Variants in IFI30 observed in about 807,000 individuals in gnomAD.
IFI30 encodes IFI30 lysosomal thiol reductase.
A neutral mutation model predicts 30.1 loss-of-function variants in IFI30; 26 were observed. That is an observed-to-expected ratio of 0.87 (90% CI 0.63 to 1.20). The LOEUF (loss-of-function observed/expected upper bound fraction) is 1.20, where lower values mean the gene tolerates loss of function less well. IFI30 is among the 50% of genes most tolerant of loss of function. The pLI, the probability that IFI30 is intolerant of heterozygous loss-of-function variation, is 0.00. For missense variants in IFI30, 296 were observed against 312.5 expected (o/e 0.95, Z 0.40); for synonymous variants, 149 against 134.5 (o/e 1.11, Z -0.75).
chr19:18,177,127 C>G lies in IFI30; in HGVS notation c.484-13C>G, dbSNP rs1304209819. 1 of 1,535,736 alleles carries G rather than the reference C, an allele frequency of 6.5e-7. No homozygotes were observed. Among genetic ancestry groups the G allele is most frequent in the African/African-American group, 1.4e-5 (1 of 72,982 alleles). On this transcript the variant is annotated splice_polypyrimidine_tract_variant and intron_variant, in intron 4 of 6. Transcript: ENST00000407280. ...AGGAAGCTGAGGCAACCCCCTGCTC[C>G]CCACCCACCCAGTGCCTGCAGCTCT...
intron 4 of IFI30, 44 bp from the exon 5 acceptor site, chr19:18,177,096 A>T: frequency 6.7e-7 from 1 of 1,498,790 alleles, no homozygotes; most frequent in Non-Finnish European, 9.0e-7. Flanking sequence ...CGTTGAGATA[A>T]CGGGGAGGAA....
At chr19:18,176,066 C>A (rs1398943586) in intron 4 of IFI30, among the ~76,000 whole-genome samples, 2 of 149,708 alleles carry the variant, frequency 1.3e-5, no homozygotes, top group African/African-American at 4.9e-5. Context: ...TTGTCTTGAA[C>A]TCCTGACCTT....
In IFI30 at chr19:18,177,208, C is replaced by G. The variant is rs747730129; in HGVS notation, c.552C>G (p.Gly184=). The change falls in exon 5 of 7, where the codon GGC becomes GGG. Residue 184 remains glycine, a synonymous_variant. Transcript: ENST00000407280. ...TIMECAMGDR[G]MQLMHANAQR... Reference sequence around the variant, plus strand: ...TGGAGTGTGCAATGGGGGACCGCGGCATGCAGCTCATGCACGCCAACGCCC... The same window carrying G: ...TGGAGTGTGCAATGGGGGACCGCGGGATGCAGCTCATGCACGCCAACGCCC... 2 of 1,587,018 alleles carry G rather than the reference C, an allele frequency of 1.3e-6. No homozygotes were observed. The highest frequency in any genetic ancestry group is 1.7e-4 in the Middle Eastern group (1 of 6,038).
rs540887305 is a variant in IFI30, at chr19:18,175,117, A to G, written c.210A>G (p.Ala70=). ...PLVNVTLYYE[A]LCGGCRAFLI... ...TCAATGTGACCCTCTACTATGAAGC[A>G]CTGTGCGGTGGCTGCCGAGCCTTCC... The change falls in exon 2 of 7, where the codon GCA becomes GCG. Residue 70 remains alanine (A), a synonymous_variant. Coordinates refer to ENST00000407280, the MANE Select transcript of IFI30 (RefSeq NM_006332.5). The G allele has an allele frequency of 3.7e-6, 6 of 1,613,508 alleles. No individual in the cohort carries two copies. The South Asian group carries it at 6.6e-5, about 18-fold the overall frequency.
chr19:18,175,009 C>T, intron 1 of IFI30, 31 bp from the exon 2 acceptor site: 3 of 1,595,236 alleles, frequency 1.9e-6, no homozygotes, highest in African/African-American at 1.3e-5. Context: ...CCCAGGGCTA[C>T]ACCTGCCTCC....
Position 18,175,064 on chromosome 19 carries a change from C to A in IFI30, c.157C>A (p.Pro53Thr). The A allele has an allele frequency of 1.9e-6, 3 of 1,613,696 alleles. No homozygotes were observed. Among genetic ancestry groups the A allele is most frequent in the Non-Finnish European group, 2.5e-6 (3 of 1,179,756 alleles). ...GACAGGCAATCTATACCTGCGGGGG[C>A]CCCTGAAGAAGTCCAATGCACCGCT... ...YKTGNLYLRG[P>T]LKKSNAPLVN... The change falls in exon 2 of 7, where the codon CCC becomes ACC. Residue 53 changes from proline to threonine, a missense_variant. Coordinates refer to ENST00000407280, the MANE Select transcript of IFI30 (RefSeq NM_006332.5).
chr19:18,175,324 G>A lies in IFI30; in HGVS notation c.329G>A (p.Ser110Asn). Residue 110 changes from serine to asparagine, a missense_variant, in exon 3 of 7, where the codon AGT becomes AAT. By Grantham distance (46) the Ser-to-Asn change is conservative (BLOSUM62 1). Transcript: ENST00000407280. ...PYGNAQEQNVSGRWEFKCQHG... is the reference protein window; with the variant it reads ...PYGNAQEQNVNGRWEFKCQHG... ...GCTGCCTTGCAGGAACAAAATGTCAGTGGCAGGTGGGAGTTCAAGTGCCAG... is the reference window on the plus strand; with the variant it reads ...GCTGCCTTGCAGGAACAAAATGTCAATGGCAGGTGGGAGTTCAAGTGCCAG... 6.3e-7 allele frequency: 1 copy of A among 1,591,118 alleles called. No individual in the cohort carries two copies. The highest frequency in any genetic ancestry group is 8.6e-7 in the Non-Finnish European group (1 of 1,169,446).
rs375989024 is a variant in IFI30, at chr19:18,175,697, A to G, written c.483A>G (p.Leu161=). The change falls in exon 4 of 7, where the codon CTA becomes CTG. Residue 161 remains leucine (L), a splice_region_variant and synonymous_variant. Transcript: ENST00000407280. ...EFEDMERSLP[L]CLQLYAPGLS... is the part of the protein sequence containing the mutation. ...AGGACATGGAGAGAAGTCTGCCACT[A>G]GTGAGTGACGCCCCTCACTCCACCC... 1.7e-5 allele frequency: 27 copies of G among 1,600,866 alleles called. No homozygotes were observed. Among genetic ancestry groups the G allele is most frequent in the African/African-American group, 4.0e-5 (3 of 74,716 alleles).
chr19:18,175,359 G>A lies in IFI30; in HGVS notation c.364G>A (p.Glu122Lys), dbSNP rs750993043. Residue 122 changes from glutamate to lysine, a missense_variant, in exon 3 of 7, where the codon GAG (glutamate) becomes AAG (lysine). Coordinates refer to ENST00000407280, the MANE Select transcript of IFI30 (RefSeq NM_006332.5). The stretch of plus-strand genomic sequence containing the variant: ...GGAGTTCAAGTGCCAGCATGGAGAA[G>A]AGGAGTGCAAATTCAACAAGGTGGA... ...RWEFKCQHGE[E>K]ECKFNKVEAC... 7.5e-6 allele frequency: 12 copies of A among 1,592,956 alleles called. No homozygotes were observed. The highest frequency in any genetic ancestry group is 3.3e-4 in the Middle Eastern group (2 of 6,004).
chr19:18,174,130 C>A, intron 1 of IFI30, 157 bp downstream of exon 1: 1 of 689,862 alleles, frequency 1.4e-6, no homozygotes, highest in Admixed American at 3.3e-5. Context: ...CAGTTCCCGG[C>A]GCTGCGGCCA....
At chr19:18,176,506 A>C (rs115658567) in intron 4 of IFI30, among the ~76,000 whole-genome samples, 3 of 152,110 alleles carry the variant, frequency 2.0e-5, no homozygotes, top group Non-Finnish European at 4.4e-5. Flanking sequence ...CAGGTCTCTT[A>C]GGAGCATGAG....
In IFI30 at chr19:18,173,981, C is replaced by T. The variant is rs1398334327; in HGVS notation, c.132+8C>T. 4 of 1,548,004 alleles carry T rather than the reference C, an allele frequency of 2.6e-6. No individual in the cohort carries two copies. The highest frequency in any genetic ancestry group is 2.7e-5 in the African/African-American group (2 of 72,888). ...CCACCAGTTAACTACAAGGTAGGGA[C>T]GGCGACAGGGCGGGCAGGCTGGAGG... On this transcript the variant is annotated splice_region_variant and intron_variant, in intron 1 of 6. Transcript: ENST00000407280.
chr19:18,178,094 T>A lies in IFI30; in HGVS notation c.*183T>A. On this transcript the variant is annotated 3_prime_UTR_variant, in exon 7 of 7. Transcript: ENST00000407280. ...AATCCTGCTCCACTAAGAATGGTGC[T>A]AAAGTAAAACTAGTTTAATAAGCCC... 1.6e-6 allele frequency: 1 copy of A among 628,250 alleles called. No homozygotes were observed. The allele number at this position is 628,250 out of a possible 1,614,324, so 38.9% of individuals were successfully genotyped here. A position where few individuals can be genotyped will look rare whatever the true frequency, so the allele number is the denominator to read the frequency against.
In IFI30 at chr19:18,177,734, G is replaced by C; in HGVS notation, c.660G>C (p.Gln220His). 6.2e-7 allele frequency: 1 copy of C among 1,613,868 alleles called. No homozygotes were observed. Among genetic ancestry groups the C allele is most frequent in the Non-Finnish European group, 8.5e-7 (1 of 1,179,866 alleles). The change falls in exon 6 of 7, where the codon CAG becomes CAC. Residue 220 changes from glutamine (Q) to histidine (H), a missense_variant. Coordinates refer to ENST00000407280, the MANE Select transcript of IFI30 (RefSeq NM_006332.5). Reference sequence around the variant, plus strand: ...AGAAACCCTTGGAAGATCAGACCCAGCTCCTTACCCTTGTCTGCCAGTTGT... The same window carrying C: ...AGAAACCCTTGGAAGATCAGACCCACCTCCTTACCCTTGTCTGCCAGTTGT... ...VNGKPLEDQTQLLTLVCQLYQ... is the reference protein window; with the variant it reads ...VNGKPLEDQTHLLTLVCQLYQ...
chr19:18,175,710 C>G lies in IFI30; in HGVS notation c.483+13C>G. The G allele has an allele frequency of 1.9e-6, 3 of 1,584,232 alleles. No individual in the cohort carries two copies. The highest frequency in any genetic ancestry group is 2.6e-6 in the Non-Finnish European group (3 of 1,161,918). On this transcript the variant is annotated intron_variant, in intron 4 of 6. Coordinates refer to ENST00000407280, the MANE Select transcript of IFI30 (RefSeq NM_006332.5). ...AAGTCTGCCACTAGTGAGTGACGCC[C>G]CTCACTCCACCCAAGGAGGGGGACA... is the stretch of plus-strand genomic sequence containing the variant.
chr19:18,175,346 C>A lies in IFI30; in HGVS notation c.351C>A (p.Cys117Ter), dbSNP rs866117127. The change falls in exon 3 of 7, where the codon TGC becomes TGA. Residue 117 changes from cysteine to a stop codon, truncating the protein, a stop_gained. Transcript: ENST00000407280. LOFTEE classifies it high-confidence loss of function. ...TCAGTGGCAGGTGGGAGTTCAAGTG[C>A]CAGCATGGAGAAGAGGAGTGCAAAT... ...QNVSGRWEFKCQHGEEECKFN... is the reference protein window; with the variant it reads ...QNVSGRWEFK The A allele has an allele frequency of 5.7e-6, 9 of 1,592,306 alleles. No individual in the cohort carries two copies. The Admixed American group carries it at 8.9e-5, about 16-fold the overall frequency.
intron 1 of IFI30, 188 bp downstream of exon 1, chr19:18,174,161 G>A (rs1291338105): frequency 5.2e-6 from 3 of 577,172 alleles, no homozygotes; most frequent in Non-Finnish European, 8.8e-6. Flanking sequence ...GTGCCGTTTC[G>A]CTTTCGCATC....
intron 4 of IFI30, among the ~76,000 whole-genome samples, chr19:18,176,194 G>A (rs1211095475): frequency 7.5e-5 from 9 of 119,768 alleles, no homozygotes; most frequent in Admixed American, 2.4e-4. Context: ...TTGCTCTGTC[G>A]CCCAGGCTGG....
In IFI30 at chr19:18,177,775, A is replaced by C; in HGVS notation, c.690+11A>C. 1 of 1,613,360 alleles carries C rather than the reference A, an allele frequency of 6.2e-7. No homozygotes were observed. The highest frequency in any genetic ancestry group is 8.5e-7 in the Non-Finnish European group (1 of 1,179,600). ...TGCCAGTTGTACCAGGTAAGCTGGG[A>C]GGGGAGCAGTGGGATTCAGGTGGTG... On this transcript the variant is annotated intron_variant, in intron 6 of 6. Coordinates refer to ENST00000407280, the MANE Select transcript of IFI30 (RefSeq NM_006332.5).
Sources: allele counts gnomAD v4.1 joint callset (sites outside exome capture counted in the v4.1 genomes callset), GRCh38; gene constraint gnomAD v4.1.1; transcripts MANE v1.5; gene names NCBI Gene and HGNC (gene_info 2026-07-23, HGNC 2026-07-21).